Variants in UGDH observed in about 807,000 individuals in gnomAD.
UGDH encodes UDP-glucose 6-dehydrogenase.
A neutral mutation model predicts 50.6 loss-of-function variants in UGDH; 38 were observed. The observed-to-expected ratio is 0.75, with a 90% CI of 0.58 to 0.98. The LOEUF (loss-of-function observed/expected upper bound fraction) is 0.98, where lower values mean the gene tolerates loss of function less well. UGDH is among the 50% of genes least tolerant of loss of function. The pLI is 0.00. For synonymous variants in UGDH, 168 were observed against 199.9 expected (o/e 0.84, Z 1.35); for missense variants, 465 against 606.2 (o/e 0.77, Z 2.45).
chr4:39,510,998 A>T, intron 3 of UGDH, 137 bp from the exon 4 acceptor site: 1 of 725,206 alleles, frequency 1.4e-6, no homozygotes, highest in South Asian at 1.9e-5. Context: ...TTCCATAGAA[A>T]TAATACATTT....
chr4:39,504,377 A>G, intron 10 of UGDH, 40 bp downstream of exon 10: 1 of 1,577,258 alleles, frequency 6.3e-7, no homozygotes. Flanking sequence ...ATAGTGGAAC[A>G]CCTCTAGAAT....
intron 7 of UGDH, among the ~76,000 whole-genome samples, chr4:39,506,057 C>T (rs1200448724): frequency 3.3e-5 from 5 of 151,718 alleles, no homozygotes; most frequent in African/African-American, 9.7e-5. Flanking sequence ...ACGGCGAGAC[C>T]CTGTCTCTAC....
At chr4:39,506,233 TAAAA>T (rs373456890) in intron 7 of UGDH, among the ~76,000 whole-genome samples, 2 of 131,116 alleles carry the variant, frequency 1.5e-5, no homozygotes, top group East Asian at 2.3e-4. Context: ...GCCGTAAATT[TAAAA>T]AAAAAAAAAA....
chr4:39,526,883 G>A (rs1746919512), intron 1 of UGDH, among the ~76,000 whole-genome samples: 1 of 152,178 alleles, frequency 6.6e-6, no homozygotes, highest in Non-Finnish European at 1.5e-5. Flanking sequence ...CCCCTCAGGT[G>A]AGCAGACTCT....
At chr4:39,516,145 A>G (rs1746434562) in intron 2 of UGDH, among the ~76,000 whole-genome samples, 1 of 152,152 alleles carries the variant, frequency 6.6e-6, no homozygotes, top group Non-Finnish European at 1.5e-5. Flanking sequence ...ATAGCTGGGC[A>G]TGGTGGCGCT....
intron 1 of UGDH, among the ~76,000 whole-genome samples, chr4:39,521,781 A>G (rs1746672808): frequency 6.6e-6 from 1 of 152,238 alleles, no homozygotes; most frequent in Non-Finnish European, 1.5e-5. Context: ...GGAGCCACAA[A>G]GATTATAATG....
rs532890849 is a variant in UGDH at position 39,509,523 on chromosome 4, T to C, written c.811+237A>G. ...ACCCTTGCTCTAGTGCAATGCAGTA[T>C]GCAGTAAGGAATAATATGGCTTTGG... On this transcript the variant is annotated intron_variant, in intron 6 of 11. Transcript: ENST00000316423. Among the ~76,000 whole-genome samples, 18 of 152,342 alleles carry C rather than the reference T, an allele frequency of 1.2e-4. No homozygotes were observed. The South Asian group carries it at 3.7e-3, about 32-fold the overall frequency.
At chr4:39,523,480 A>G (rs934043867) in intron 1 of UGDH, among the ~76,000 whole-genome samples, 8 of 152,212 alleles carry the variant, frequency 5.3e-5, no homozygotes, top group African/African-American at 1.9e-4. Context: ...TTCAAATAGT[A>G]TTCTTAGCCA....
Position 39,503,847 on chromosome 4 carries a change from A to T in UGDH, c.1374+28T>A, listed in dbSNP as rs142519584. The T allele has an allele frequency of 3.1e-6, 5 of 1,598,238 alleles. No homozygotes were observed. The South Asian group carries it at 5.6e-5, about 18-fold the overall frequency. On this transcript the variant is annotated intron_variant, in intron 11 of 11. Coordinates refer to ENST00000316423, the MANE Select transcript of UGDH (RefSeq NM_003359.4). ...CAAACACTAAAGACCAAACAAAAAG[A>T]AAAAAAACAATCCAGGATCATGATT... is the stretch of plus-strand genomic sequence containing the variant.
At position 39,515,827 on chromosome 4, in the gene UGDH, G is replaced by A. The variant is rs193173086; in HGVS notation, c.163-1643C>T. Among the ~76,000 whole-genome samples, 248 of 152,186 alleles carry A rather than the reference G, an allele frequency of 1.6e-3. 1 individual carries two copies. The highest frequency in any genetic ancestry group is 5.8e-3 in the African/African-American group (239 of 41,526). ...TGATTCTCGTGCCGCAAACTCCCAA[G>A]CAGCTGGGATTACAGGCGCACACCA... On this transcript the variant is annotated intron_variant, in intron 2 of 11. Coordinates refer to ENST00000316423, the MANE Select transcript of UGDH (RefSeq NM_003359.4).
chr4:39,508,535 A>C (rs1344375185), intron 7 of UGDH, 31 bp downstream of exon 7: 1 of 1,599,864 alleles, frequency 6.3e-7, no homozygotes, highest in South Asian at 1.1e-5. Flanking sequence ...TGCCTGGCTA[A>C]ACAGAAATTA....
At chr4:39,511,420 C>T (rs1746241128) in intron 3 of UGDH, among the ~76,000 whole-genome samples, 1 of 151,866 alleles carries the variant, frequency 6.6e-6, no homozygotes, top group South Asian at 2.1e-4. Flanking sequence ...GCCACCACAC[C>T]CCACCACTTT....
At chr4:39,522,493 ATGCC>A (rs1746704255) in intron 1 of UGDH, among the ~76,000 whole-genome samples, 1 of 152,222 alleles carries the variant, frequency 6.6e-6, no homozygotes, top group African/African-American at 2.4e-5. Context: ...CCTAATTTGA[ATGCC>A]TGGCAAGAAG....
At chr4:39,501,119 C>T (rs1027895394) in intron 11 of UGDH, among the ~76,000 whole-genome samples, 16 of 151,906 alleles carry the variant, frequency 1.1e-4, no homozygotes, top group South Asian at 4.1e-4. Flanking sequence ...GCGCCCGCCA[C>T]CACACCAGGC....
rs1420139288 is a variant in UGDH, at chr4:39,504,499, A to G, written c.1181T>C (p.Leu394Pro). The stretch of plus-strand genomic sequence containing the variant: ...ATATGGATCCTTGGAAATGGTCACG[A>G]GCCGGGACACTGTAACAATAGCAAC... Reference protein sequence around the residue: ...GVSEDDQVSRLVTISKDPYEA... With the variant: ...GVSEDDQVSRPVTISKDPYEA... Residue 394 changes from leucine (L) to proline (P), a missense_variant, in exon 10 of 12, where the codon CTC (leucine) becomes CCC (proline). Physicochemically the swap from Leu to Pro is moderately conservative, Grantham distance 98. Transcript: ENST00000316423. The G allele has an allele frequency of 1.2e-6, 2 of 1,613,790 alleles. No homozygotes were observed. Among genetic ancestry groups the G allele is most frequent in the East Asian group, 2.2e-5 (1 of 44,892 alleles).
chr4:39,509,924 A>G lies in UGDH; in HGVS notation c.664-17T>C. The G allele has an allele frequency of 2.6e-6, 4 of 1,555,108 alleles. No homozygotes were observed. Among genetic ancestry groups the G allele is most frequent in the Non-Finnish European group, 3.5e-6 (4 of 1,157,094 alleles). On this transcript the variant is annotated splice_polypyrimidine_tract_variant and intron_variant, in intron 5 of 11. Coordinates refer to ENST00000316423, the MANE Select transcript of UGDH (RefSeq NM_003359.4). The stretch of plus-strand genomic sequence containing the variant: ...ATTTGCTGCCTTAAAAAAAAAAAAC[A>G]TAGAGAAGAGTAAGATAAGCTAAAA...
At chr4:39,503,846 G>T in intron 11 of UGDH, 29 bp downstream of exon 11, 2 of 1,597,174 alleles carry the variant, frequency 1.3e-6, no homozygotes. Context: ...CAAACAAAAA[G>T]AAAAAAAACA....
chr4:39,510,733 T>C lies in UGDH; in HGVS notation c.393A>G (p.Thr131=). 1 of 1,614,246 alleles carries C rather than the reference T, an allele frequency of 6.2e-7. No individual in the cohort carries two copies. Among genetic ancestry groups the C allele is most frequent in the Non-Finnish European group, 8.5e-7 (1 of 1,180,026 alleles). The change falls in exon 4 of 12, where the codon ACA becomes ACG. Residue 131 remains threonine (T), a synonymous_variant. Coordinates refer to ENST00000316423, the MANE Select transcript of UGDH (RefSeq NM_003359.4). ...TACTTTCTGCTGCCCGCACTGGAAC[T>C]GTGCTTTTCTCAGTCACAATTTTGT... ...NGYKIVTEKS[T]VPVRAAESIR...
intron 2 of UGDH, among the ~76,000 whole-genome samples, chr4:39,518,311 G>A (rs1746511880): frequency 6.6e-6 from 1 of 151,966 alleles, no homozygotes; most frequent in Non-Finnish European, 1.5e-5. Flanking sequence ...ATCTCTGTTG[G>A]ATATACACTT....
Sources: gnomAD v4.1 joint callset for allele counts (sites outside exome capture counted in the v4.1 genomes callset) on GRCh38, gnomAD v4.1.1 for gene constraint, MANE v1.5 for transcripts, NCBI Gene and HGNC (gene_info 2026-07-23, HGNC 2026-07-21) for gene names.